Variants in RAB11FIP3 observed in about 807,000 individuals in gnomAD.
RAB11FIP3 encodes rab11 family-interacting protein 3.
A neutral mutation model predicts 77.8 loss-of-function variants in RAB11FIP3; 17 were observed. The observed-to-expected ratio is 0.22, with a 90% CI of 0.15 to 0.33. The LOEUF (loss-of-function observed/expected upper bound fraction) is 0.33. Among genes scored for constraint, RAB11FIP3 ranks in the 10% least tolerant of loss-of-function variants. The pLI, the probability that RAB11FIP3 is intolerant of heterozygous loss-of-function variation, is 1.00. For missense variants in RAB11FIP3, 1,005 were observed against 1,011.2 expected, an observed-to-expected ratio of 0.99 and a Z score of 0.08; for synonymous variants, 437 against 448.2, an observed-to-expected ratio of 0.98 and a Z score of 0.31.
chr16:436,809 C>T (rs2055137804), intron 1 of RAB11FIP3, among the ~76,000 whole-genome samples: 1 of 152,072 alleles, frequency 6.6e-6, no homozygotes, highest in Admixed American at 6.6e-5. Flanking sequence ...TCACTGTTAC[C>T]CGGATGAACC....
Position 437,466 on chromosome 16 carries a change from AG to A in RAB11FIP3, c.714+10748del, listed in dbSNP as rs200391038. Among the ~76,000 whole-genome samples, 1,229 of 148,712 alleles carry A rather than the reference AG, an allele frequency of 8.3e-3. 17 individuals are homozygous for A. Among genetic ancestry groups the A allele is most frequent in the African/African-American group, 0.029 (1,170 of 40,594 alleles). On this transcript the variant is annotated intron_variant, in intron 1 of 13. Coordinates refer to ENST00000262305, the MANE Select transcript of RAB11FIP3 (RefSeq NM_014700.4). ...GTGCCTGTAGTCCCAGCTACTCAGG[AG>A]GCTGAGGCAGGAGAATCACTTGAAC...
chr16:499,293 G>A (rs1218604878), intron 6 of RAB11FIP3, among the ~76,000 whole-genome samples: 2 of 152,164 alleles, frequency 1.3e-5, no homozygotes, highest in Non-Finnish European at 2.9e-5. Context: ...TACCACTTCA[G>A]CATCACCTTC....
intron 4 of RAB11FIP3, 63 bp from the exon 5 acceptor site, chr16:488,788 A>G: frequency 6.4e-7 from 1 of 1,554,076 alleles, no homozygotes. Flanking sequence ...CACCTTCCAC[A>G]CCCTCAGCTC....
chr16:510,899 G>A, intron 9 of RAB11FIP3, 99 bp downstream of exon 9: 1 of 1,467,656 alleles, frequency 6.8e-7, no homozygotes, highest in Non-Finnish European at 9.1e-7. Flanking sequence ...AGGCCAGGTA[G>A]GCGAGGTTCC....
chr16:492,449 G>GAGCCCTCCCGGGAGACCCGA (rs1596271348), intron 5 of RAB11FIP3, among the ~76,000 whole-genome samples: 1 of 135,534 alleles, frequency 7.4e-6, no homozygotes, highest in African/African-American at 2.9e-5. Flanking sequence ...AGGCCGCCCA[G>GAGCCCTCCCGGGAGACCCGA]GGCCCTTCCC....
At chr16:439,744 A>G (rs892863707) in intron 1 of RAB11FIP3, among the ~76,000 whole-genome samples, 8 of 152,070 alleles carry the variant, frequency 5.3e-5, no homozygotes, top group Admixed American at 1.3e-4. Context: ...AAAGAAGTAC[A>G]TTGGTTCATT....
intron 1 of RAB11FIP3, among the ~76,000 whole-genome samples, chr16:434,785 C>G (rs1359716469): frequency 6.6e-6 from 1 of 152,012 alleles, no homozygotes; most frequent in Non-Finnish European, 1.5e-5. Flanking sequence ...TAAGGATGGC[C>G]GGACGCAGTG....
At chr16:519,932 C>T in intron 11 of RAB11FIP3, 41 bp downstream of exon 11, 1 of 1,540,228 alleles carries the variant, frequency 6.5e-7, no homozygotes, top group Non-Finnish European at 8.8e-7. Flanking sequence ...CTGCGCCCAG[C>T]CTGCCCCACG....
chr16:519,839 G>A lies in RAB11FIP3; in HGVS notation c.1808G>A (p.Arg603Lys). Reference sequence around the variant, plus strand: ...GAGAACAAGAGGAGAATGGGGGACAGGCTGAGTCACGAGAGGCACCAGTTC... The same window carrying A: ...GAGAACAAGAGGAGAATGGGGGACAAGCTGAGTCACGAGAGGCACCAGTTC... The part of the protein sequence containing the change: ...EQENKRRMGD[R>K]LSHERHQFQR... Residue 603 changes from arginine (R) to lysine (K), a missense_variant, in exon 11 of 14, where the codon AGG becomes AAG. By Grantham distance (26) the Arg-to-Lys change is conservative (BLOSUM62 2). Transcript: ENST00000262305. The A allele has an allele frequency of 6.2e-7, 1 of 1,602,806 alleles. No homozygotes were observed. Among genetic ancestry groups the A allele is most frequent in the South Asian group, 1.1e-5 (1 of 89,186 alleles).
chr16:477,941 T>G (rs2055952149), intron 3 of RAB11FIP3, among the ~76,000 whole-genome samples: 1 of 152,168 alleles, frequency 6.6e-6, no homozygotes, highest in African/African-American at 2.4e-5. Context: ...CTTGGTTCCA[T>G]GAGGTGGCCA....
rs1337919856 is a variant in RAB11FIP3 at position 471,996 on chromosome 16, C to A, written c.903+607C>A. On this transcript the variant is annotated intron_variant, in intron 3 of 13. Transcript: ENST00000262305. This position sits in a 1 kb window ranked among gnomAD's most constrained non-coding sequence, Gnocchi z 4.4. ...GAAAATGCATGAAGTTGAACTTGAG[C>A]CCTTGGGGGCCGCCGGGAAGGTGGA... is the stretch of plus-strand genomic sequence containing the variant. Among the ~76,000 whole-genome samples, 1 of 152,188 alleles carries A rather than the reference C, an allele frequency of 6.6e-6. No individual in the cohort carries two copies. The highest frequency in any genetic ancestry group is 2.1e-4 in the South Asian group (1 of 4,832).
chr16:496,944 TTTTCCAAGGTA>T, intron 6 of RAB11FIP3, 85 bp downstream of exon 6: 1 of 1,398,672 alleles, frequency 7.1e-7, no homozygotes, highest in Non-Finnish European at 1.0e-6. Flanking sequence ...TAAAATGTTC[TTTTCCAAGGTA>T]TTTTTTAAAC....
At chr16:497,815 T>C (rs577037013) in intron 6 of RAB11FIP3, among the ~76,000 whole-genome samples, 4 of 152,204 alleles carry the variant, frequency 2.6e-5, no homozygotes, top group African/African-American at 9.6e-5. Context: ...TGGGATCATT[T>C]TCCTGTAAGA....
chr16:519,533 C>T (rs894104551), intron 10 of RAB11FIP3, among the ~76,000 whole-genome samples: 4 of 152,240 alleles, frequency 2.6e-5, no homozygotes, highest in Non-Finnish European at 5.9e-5. Context: ...TCGTGAGAAA[C>T]GGCCCTCGTG....
chr16:491,430 C>T (rs1016573719), intron 5 of RAB11FIP3, among the ~76,000 whole-genome samples: 2 of 152,040 alleles, frequency 1.3e-5, no homozygotes, highest in Non-Finnish European at 2.9e-5. Context: ...GTGGGGCCAC[C>T]AGGGCCCTGC....
At chr16:495,360 C>T (rs2031028814) in intron 5 of RAB11FIP3, among the ~76,000 whole-genome samples, 1 of 152,232 alleles carries the variant, frequency 6.6e-6, no homozygotes, top group Non-Finnish European at 1.5e-5. Context: ...CACCACCGTG[C>T]TGTCAGGGCT....
chr16:449,845 G>A (rs1011289185), intron 1 of RAB11FIP3, among the ~76,000 whole-genome samples: 18 of 147,360 alleles, frequency 1.2e-4, no homozygotes, highest in South Asian at 8.8e-4. Flanking sequence ...CAGCTGTTGC[G>A]TAGACTGAGG....
intron 7 of RAB11FIP3, 114 bp downstream of exon 7, chr16:503,211 A>G (rs999531843): frequency 1.3e-6 from 1 of 778,896 alleles, no homozygotes; most frequent in East Asian, 2.8e-5. Context: ...AGGTGACCCC[A>G]TGTCCTCCAG....
intron 9 of RAB11FIP3, among the ~76,000 whole-genome samples, chr16:511,203 C>T (rs1304203989): frequency 2.5e-5 from 3 of 120,834 alleles, no homozygotes; most frequent in African/African-American, 3.3e-5. Context: ...GAGAGGTTCC[C>T]GACGGCCCGC....
Sources: gnomAD v4.1 joint callset for allele counts (sites outside exome capture counted in the v4.1 genomes callset) on GRCh38, gnomAD v4.1.1 for gene constraint, Gnocchi (gnomAD v3.1) non-coding constraint, MANE v1.5 for transcripts, NCBI Gene and HGNC (gene_info 2026-07-23, HGNC 2026-07-21) for gene names.